The following TSC22D1 variants were observed in gnomAD, a reference collection of about 807,000 sequenced individuals.
The protein encoded by TSC22D1 is TSC22 domain family member 1.
A neutral mutation model predicts 74.2 loss-of-function variants in TSC22D1; 9 were observed. The ratio of observed to expected loss-of-function variants is 0.12; its 90% CI spans 0.07 to 0.21. TSC22D1 has a LOEUF of 0.21. Among genes scored for constraint, TSC22D1 ranks in the 10% least tolerant of loss-of-function variants. The pLI, the probability that TSC22D1 is intolerant of heterozygous loss-of-function variation, is 1.00. For missense variants in TSC22D1, 1,427 were observed against 1,304.7 expected (o/e 1.09, Z -1.44); for synonymous variants, 586 against 492.5 (o/e 1.19, Z -2.51).
intron 1 of TSC22D1, among the ~76,000 whole-genome samples, chr13:44,443,721 A>G (rs544147931): frequency 6.6e-6 from 1 of 152,330 alleles, no homozygotes; most frequent in South Asian, 2.1e-4. Flanking sequence ...AAAAATAACA[A>G]TGTACTGGAA....
At chr13:44,442,465 A>G (rs952862761) in intron 1 of TSC22D1, among the ~76,000 whole-genome samples, 8 of 152,256 alleles carry the variant, frequency 5.3e-5, no homozygotes, top group African/African-American at 1.7e-4. Flanking sequence ...GAAATGTAAG[A>G]AAACCTAAAT....
At chr13:44,562,840 C>T (rs1245573906) in intron 1 of TSC22D1, among the ~76,000 whole-genome samples, 1 of 152,164 alleles carries the variant, frequency 6.6e-6, no homozygotes, top group Non-Finnish European at 1.5e-5. Flanking sequence ...GGAGCCGTGG[C>T]TCATGCCCGT....
At chr13:44,519,555 A>G (rs1721772219) in intron 1 of TSC22D1, among the ~76,000 whole-genome samples, 1 of 152,184 alleles carries the variant, frequency 6.6e-6, no homozygotes, top group African/African-American at 2.4e-5. Context: ...AGACAGCCAA[A>G]AAGTGGTCAA....
intron 1 of TSC22D1, among the ~76,000 whole-genome samples, chr13:44,445,639 T>C (rs1875575525): frequency 6.6e-6 from 1 of 152,090 alleles, no homozygotes. Context: ...ATAAAGGACT[T>C]ATATCCAGAA....
rs181215300 is a variant in TSC22D1, at chr13:44,562,782, T to C, written c.2912+10381A>G. Among the ~76,000 whole-genome samples the C allele has an allele frequency of 2.0e-5, 3 of 152,322 alleles. No individual in the cohort carries two copies. The East Asian group carries it at 5.8e-4, about 29-fold the overall frequency. On this transcript the variant is annotated intron_variant, in intron 1 of 2. Coordinates refer to ENST00000458659, the MANE Select transcript of TSC22D1 (RefSeq NM_183422.4). ...CAAACATATTTGGGACACATCTGCT[T>C]TGAATTTCAGATATGGATAAACTCT...
chr13:44,496,481 G>C (rs1404660231), intron 1 of TSC22D1, among the ~76,000 whole-genome samples: 1 of 152,006 alleles, frequency 6.6e-6, no homozygotes, highest in South Asian at 2.1e-4. Context: ...GCAGGAGTTC[G>C]AGACCAGCCT....
At chr13:44,435,742 G>A in intron 2 of TSC22D1, 1 of 454,658 alleles carries the variant, frequency 2.2e-6, no homozygotes, top group Non-Finnish European at 4.0e-6. Flanking sequence ...ACCAGCCGAA[G>A]GAGATAGTTG....
At chr13:44,501,440 C>T (rs2137983821) in intron 1 of TSC22D1, among the ~76,000 whole-genome samples, 1 of 152,268 alleles carries the variant, frequency 6.6e-6, no homozygotes, top group Non-Finnish European at 1.5e-5. Context: ...AGGTAGTATA[C>T]TAATTATAAA....
At chr13:44,535,244 A>G (rs1198771353) in intron 1 of TSC22D1, among the ~76,000 whole-genome samples, 2 of 151,974 alleles carry the variant, frequency 1.3e-5, no homozygotes, top group East Asian at 1.9e-4. Context: ...CCTCTTCAGC[A>G]GAGATCCCTT....
At chr13:44,525,651 C>T (rs1880511788) in intron 1 of TSC22D1, among the ~76,000 whole-genome samples, 1 of 151,980 alleles carries the variant, frequency 6.6e-6, no homozygotes, top group Non-Finnish European at 1.5e-5. Flanking sequence ...TAGACAAGAT[C>T]AAGGACACTA....
chr13:44,434,611 C>A lies in TSC22D1; in HGVS notation c.*15G>T. 1 of 1,514,176 alleles carries A rather than the reference C, an allele frequency of 6.6e-7. No individual in the cohort carries two copies. Among genetic ancestry groups the A allele is most frequent in the Non-Finnish European group, 8.8e-7 (1 of 1,133,986 alleles). 93.8% of individuals were successfully genotyped at this position (1,514,176 alleles called of 1,614,324 possible). A position where few individuals can be genotyped will look rare whatever the true frequency, so the allele number is the denominator to read the frequency against. ...AGTTCACACGCAGCAGCCAGTTCTG[C>A]GGGGGCATAGGCAGCTATGCGGTTG... is the stretch of plus-strand genomic sequence containing the variant. On this transcript the variant is annotated 3_prime_UTR_variant, in exon 3 of 3. Transcript: ENST00000458659.
chr13:44,493,057 C>T (rs756941415), intron 1 of TSC22D1, among the ~76,000 whole-genome samples: 2 of 152,104 alleles, frequency 1.3e-5, no homozygotes, highest in Non-Finnish European at 2.9e-5. Flanking sequence ...CCCTTCCCTC[C>T]AGAAAAACAC....
At chr13:44,510,901 T>C (rs986441463) in intron 1 of TSC22D1, among the ~76,000 whole-genome samples, 1 of 152,248 alleles carries the variant, frequency 6.6e-6, no homozygotes, top group Non-Finnish European at 1.5e-5. Flanking sequence ...AGCCCAGCCA[T>C]ATGTTTTTTA....
chr13:44,461,510 C>T (rs946437898), intron 1 of TSC22D1, among the ~76,000 whole-genome samples: 1 of 152,090 alleles, frequency 6.6e-6, no homozygotes, highest in Admixed American at 6.6e-5. Flanking sequence ...GTAAAGATTT[C>T]ACCAAGGAAT....
chr13:44,537,330 T>C lies in TSC22D1; in HGVS notation c.2912+35833A>G, dbSNP rs1881209007. 5.1e-6 allele frequency: 5 copies of C among 984,746 alleles called. No homozygotes were observed. The South Asian group carries it at 1.9e-4, about 37-fold the overall frequency. The allele number at this position is 984,746 out of a possible 1,614,324, so 61.0% of individuals were successfully genotyped here. A position where few individuals can be genotyped will look rare whatever the true frequency, so the allele number is the denominator to read the frequency against. On this transcript the variant is annotated intron_variant, in intron 1 of 2. Coordinates refer to ENST00000458659, the MANE Select transcript of TSC22D1 (RefSeq NM_183422.4). ...CAATAATATACAAAAAGTTTCACTT[T>C]TAAATAAATAGCTTGTAGTGGCATG...
At chr13:44,499,716 A>G (rs1342121000) in intron 1 of TSC22D1, among the ~76,000 whole-genome samples, 1 of 152,164 alleles carries the variant, frequency 6.6e-6, no homozygotes, top group Admixed American at 6.5e-5. Context: ...GCTTTGCCTA[A>G]GTAATTCATT....
intron 1 of TSC22D1, chr13:44,436,519 A>T: frequency 3.7e-6 from 6 of 1,614,076 alleles, no homozygotes; most frequent in Non-Finnish European, 5.1e-6. Flanking sequence ...ATCAAGTCTC[A>T]CAGAAGCGTT....
At chr13:44,550,146 T>C (rs1470822656) in intron 1 of TSC22D1, among the ~76,000 whole-genome samples, 1 of 152,148 alleles carries the variant, frequency 6.6e-6, no homozygotes, top group Non-Finnish European at 1.5e-5. Context: ...AAAATATGCT[T>C]TGATTTAAAA....
chr13:44,477,638 ATTT>A (rs35355914), intron 1 of TSC22D1, among the ~76,000 whole-genome samples: 2 of 125,384 alleles, frequency 1.6e-5, no homozygotes. Flanking sequence ...GTGCTCATAG[ATTT>A]TTTTTTTTTT....
Sources: gnomAD v4.1 joint callset for allele counts (sites outside exome capture counted in the v4.1 genomes callset) on GRCh38, gnomAD v4.1.1 for gene constraint, MANE v1.5 for transcripts, NCBI Gene and HGNC (gene_info 2026-07-23, HGNC 2026-07-21) for gene names.